Variants in SLC6A6 observed in about 807,000 individuals in gnomAD.
SLC6A6 encodes solute carrier family 6 member 6.
A neutral mutation model predicts 68.8 loss-of-function variants in SLC6A6; 16 were observed. That is an observed-to-expected ratio of 0.23 (90% CI 0.16 to 0.35). The LOEUF (loss-of-function observed/expected upper bound fraction) is 0.35, where lower values mean the gene tolerates loss of function less well. Ranked by LOEUF, SLC6A6 falls within the 10% of genes least tolerant of loss-of-function variation. The pLI, the probability that SLC6A6 is intolerant of heterozygous loss-of-function variation, is 1.00. For synonymous variants in SLC6A6, 312 were observed against 315.4 expected (o/e 0.99, Z 0.12); for missense variants, 474 against 802.8 (o/e 0.59, Z 4.95).
At chr3:14,413,922 ACTT>A (rs1392036257) in intron 1 of SLC6A6, among the ~76,000 whole-genome samples, 1 of 152,084 alleles carries the variant, frequency 6.6e-6, no homozygotes, top group African/African-American at 2.4e-5. Flanking sequence ...GTTCAAACAG[ACTT>A]CAGTTTTATT....
Position 14,404,656 on chromosome 3 carries a change from G to A in SLC6A6, c.-54+1809G>A, listed in dbSNP as rs183270579. Among the ~76,000 whole-genome samples the A allele has an allele frequency of 7.9e-5, 12 of 152,326 alleles. No homozygotes were observed. In the East Asian group the frequency reaches 1.3e-3, roughly 17 times the overall value. ...GATTCCCTTGGTTTCTTTGAGCCTC[G>A]GCTTGGCTGCCTGGGCAGCAAGGAC... On this transcript the variant is annotated intron_variant, in intron 1 of 14. Coordinates refer to ENST00000622186, the MANE Select transcript of SLC6A6 (RefSeq NM_003043.6).
rs1701139322 is a variant in SLC6A6 at position 14,485,634 on chromosome 3, A to T, written c.*627A>T. 6.5e-6 allele frequency: 1 copy of T among 152,718 alleles called. No homozygotes were observed. Among genetic ancestry groups the T allele is most frequent in the African/African-American group, 2.4e-5 (1 of 41,452 alleles). The allele number at this position is 152,718 out of a possible 1,614,324, so 9.5% of individuals were successfully genotyped here. Reference sequence around the variant, plus strand: ...CTCATTAAACTTGGCTTAGTGAAGAAGAGAGATGCCAAAGGAATGAACCAA... The same window carrying T: ...CTCATTAAACTTGGCTTAGTGAAGATGAGAGATGCCAAAGGAATGAACCAA... On this transcript the variant is annotated 3_prime_UTR_variant, in exon 15 of 15. Coordinates refer to ENST00000622186, the MANE Select transcript of SLC6A6 (RefSeq NM_003043.6).
intron 2 of SLC6A6, among the ~76,000 whole-genome samples, chr3:14,417,648 C>T (rs1264369665): frequency 4.6e-5 from 7 of 150,912 alleles, no homozygotes; most frequent in Admixed American, 3.3e-4. Flanking sequence ...AGGAGAATGG[C>T]GTGAACCCGG....
At chr3:14,416,565 G>A (rs1027324692) in intron 2 of SLC6A6, 112 bp downstream of exon 2, 2 of 396,716 alleles carry the variant, frequency 5.0e-6, no homozygotes, top group Non-Finnish European at 8.9e-6. Flanking sequence ...AGGACAAGAC[G>A]GGACCCCTGA....
intron 9 of SLC6A6, among the ~76,000 whole-genome samples, chr3:14,469,983 C>T (rs531409283): frequency 5.3e-4 from 81 of 152,170 alleles, no homozygotes; most frequent in Non-Finnish European, 9.8e-4. Flanking sequence ...GAAGTCCCCA[C>T]GCCCCTTAGG....
chr3:14,412,083 A>T (rs1357636592), intron 1 of SLC6A6, among the ~76,000 whole-genome samples: 2 of 152,166 alleles, frequency 1.3e-5, no homozygotes, highest in Non-Finnish European at 2.9e-5. Flanking sequence ...TAAGGGAAAT[A>T]CCTTCTGAAT....
chr3:14,452,642 T>G (rs1559302732), intron 5 of SLC6A6, among the ~76,000 whole-genome samples: 2 of 152,128 alleles, frequency 1.3e-5, no homozygotes, highest in African/African-American at 4.8e-5. Flanking sequence ...CTGGACCCCC[T>G]ACACCCACCC....
Position 14,477,384 on chromosome 3 carries a change from G to T in SLC6A6, c.1347+42G>T. ...GCTGTGTTTCAGGCTTGGTGCTCCA[G>T]TGCCCTCCTCAAGGCCATAGTGGAG... is the stretch of plus-strand genomic sequence containing the variant. On this transcript the variant is annotated intron_variant, in intron 11 of 14. Transcript: ENST00000622186. This position sits in a 1 kb window ranked among gnomAD's most constrained non-coding sequence, Gnocchi z 4.2. 1 of 1,605,840 alleles carries T rather than the reference G, an allele frequency of 6.2e-7. No individual in the cohort carries two copies. The highest frequency in any genetic ancestry group is 8.5e-7 in the Non-Finnish European group (1 of 1,174,002).
intron 14 of SLC6A6, among the ~76,000 whole-genome samples, chr3:14,484,418 G>C (rs1352336686): frequency 6.6e-6 from 1 of 152,242 alleles, no homozygotes; most frequent in African/African-American, 2.4e-5. Flanking sequence ...GGAGTTTGGA[G>C]TTTCTCCTTG....
rs1364995487 is a variant in SLC6A6 at position 14,466,591 on chromosome 3, G to A, written c.808G>A (p.Ala270Thr). The A allele has an allele frequency of 2.5e-6, 4 of 1,612,750 alleles. No homozygotes were observed. The highest frequency in any genetic ancestry group is 3.4e-6 in the Non-Finnish European group (4 of 1,179,230). The change falls in exon 7 of 15, where the codon GCG becomes ACG. Residue 270 changes from alanine (A) to threonine (T), a missense_variant. Around this residue, in one of 2 missense-constraint regions of SLC6A6, gnomAD observed 280 missense variants for 533.1 expected, o/e 0.53. Transcript: ENST00000622186. ...LLVRGLTLPG[A>T]GAGIKFYLYP... ...GGTCCGAGGGCTGACGCTGCCGGGC[G>A]CGGGCGCAGGCATCAAGTTCTATCT... is the stretch of plus-strand genomic sequence containing the variant.
intron 1 of SLC6A6, among the ~76,000 whole-genome samples, chr3:14,409,818 G>T (rs1484069882): frequency 1.3e-5 from 2 of 152,126 alleles, no homozygotes; most frequent in Non-Finnish European, 2.9e-5. Context: ...AACCTTCTCT[G>T]CCCACCCACT....
chr3:14,441,691 C>A (rs1038009729), intron 2 of SLC6A6, among the ~76,000 whole-genome samples: 1 of 152,358 alleles, frequency 6.6e-6, no homozygotes, highest in Non-Finnish European at 1.5e-5. Flanking sequence ...GCCAGCACAT[C>A]CCCTCTCCAC....
intron 2 of SLC6A6, among the ~76,000 whole-genome samples, chr3:14,439,572 C>T (rs1574932525): frequency 6.6e-6 from 1 of 152,206 alleles, no homozygotes; most frequent in Non-Finnish European, 1.5e-5. Context: ...TCAGTCAATT[C>T]TAATCACTTG....
intron 2 of SLC6A6, among the ~76,000 whole-genome samples, chr3:14,430,434 C>G (rs541828459): frequency 2.0e-5 from 3 of 152,252 alleles, no homozygotes; most frequent in African/African-American, 7.2e-5. Context: ...AGAGTTTAAG[C>G]TAAATTGCAA....
At chr3:14,459,110 A>G (rs868616327) in intron 6 of SLC6A6, among the ~76,000 whole-genome samples, 3 of 152,184 alleles carry the variant, frequency 2.0e-5, no homozygotes, top group Non-Finnish European at 4.4e-5. Flanking sequence ...GCCCTAAGCT[A>G]TAAAGAACAA....
intron 2 of SLC6A6, among the ~76,000 whole-genome samples, chr3:14,442,908 C>T (rs992793303): frequency 2.0e-5 from 3 of 152,220 alleles, no homozygotes; most frequent in African/African-American, 7.2e-5. Flanking sequence ...TGAACAAGCA[C>T]ACTTGCATAA....
At chr3:14,466,342 A>C (rs1354751935) in intron 6 of SLC6A6, among the ~76,000 whole-genome samples, 174 bp from the exon 7 acceptor site, 1 of 151,834 alleles carries the variant, frequency 6.6e-6, no homozygotes, top group East Asian at 1.9e-4. Context: ...GAGGCAGCTG[A>C]GACCCAGAGT....
At position 14,466,507 on chromosome 3, in the gene SLC6A6, C is replaced by T; in HGVS notation, c.733-9C>T. 1 of 1,608,636 alleles carries T rather than the reference C, an allele frequency of 6.2e-7. No homozygotes were observed. Among genetic ancestry groups the T allele is most frequent in the Non-Finnish European group, 8.5e-7 (1 of 1,176,438 alleles). ...CCCATGGCCTCCTGAATCCCTCTCG[C>T]CCTTGCAGGTCGTCTACTTCACAGC... On this transcript the variant is annotated splice_polypyrimidine_tract_variant and intron_variant, in intron 6 of 14. Transcript: ENST00000622186.
At chr3:14,416,345 G>A in intron 1 of SLC6A6, 67 bp from the exon 2 acceptor site, 1 of 398,614 alleles carries the variant, frequency 2.5e-6, no homozygotes, top group Admixed American at 4.4e-5. Flanking sequence ...ACAATTAGGG[G>A]CCCTGTGCAC....
Sources: gnomAD v4.1 joint callset for allele counts (sites outside exome capture counted in the v4.1 genomes callset) on GRCh38, gnomAD v4.1.1 for gene constraint, gnomAD v4.1.1 regional missense constraint, Gnocchi (gnomAD v3.1) non-coding constraint, MANE v1.5 for transcripts, NCBI Gene and HGNC (gene_info 2026-07-23, HGNC 2026-07-21) for gene names.